Variants in POLI observed in about 807,000 individuals in gnomAD.
POLI encodes RAD30 homolog B.
In POLI, 58 loss-of-function variants were observed where a neutral mutation model predicts 51.6. The ratio of observed to expected loss-of-function variants is 1.12; its 90% CI spans 0.91 to 1.40. POLI has a LOEUF of 1.40. Ranked by LOEUF, POLI falls within the 40% of genes most tolerant of loss-of-function variation. The pLI is 0.00. For missense variants in POLI, 921 were observed against 871.3 expected (o/e 1.06, Z -0.72); for synonymous variants, 322 against 299.7 (o/e 1.07, Z -0.77).
chr18:54,316,298 A>G (rs2088733626), intron 3 of POLI, among the ~76,000 whole-genome samples: 1 of 152,194 alleles, frequency 6.6e-6, no homozygotes, highest in Non-Finnish European at 1.5e-5. Flanking sequence ...GTCATCATGA[A>G]TATGTACTTT....
chr18:54,283,992 T>C lies in POLI; in HGVS notation c.1046T>C (p.Leu349Pro). The C allele has an allele frequency of 6.9e-7, 1 of 1,451,642 alleles. No homozygotes were observed. The highest frequency in any genetic ancestry group is 9.6e-7 in the Non-Finnish European group (1 of 1,042,478). The allele number at this position is 1,451,642 out of a possible 1,614,324, so 89.9% of individuals were successfully genotyped here. ...EVEAKNKIEELLASLLNRVCQ... is the reference protein window; with the variant it reads ...EVEAKNKIEEPLASLLNRVCQ... ...GAAGCTAAAAATAAGATTGAAGAAC[T>C]ACTTGCTAGTCTTTTAAACAGGTGA... The change falls in exon 7 of 10, where the codon CTA becomes CCA. Residue 349 changes from leucine to proline, a missense_variant. Physicochemically the swap from Leu to Pro is moderately conservative, Grantham distance 98. Transcript: ENST00000579534.
chr18:54,310,705 T>G (rs928724633), intron 3 of POLI, among the ~76,000 whole-genome samples: 5 of 152,170 alleles, frequency 3.3e-5, no homozygotes, highest in African/African-American at 1.2e-4. Context: ...GAAAAAATCT[T>G]TTAAAAATAT....
downstream of POLI, among the ~76,000 whole-genome samples, chr18:54,301,735 TTC>T (rs149221466): frequency 0.011 from 1,727 of 152,280 alleles, 15 homozygotes; most frequent in Non-Finnish European, 0.016. Flanking sequence ...TCTCTCTGGC[TTC>T]TCTCCTCCAG....
chr18:54,308,698 CTCGTCACTT>C (rs1293352139), intron 3 of POLI, among the ~76,000 whole-genome samples: 1 of 152,178 alleles, frequency 6.6e-6, no homozygotes, highest in African/African-American at 2.4e-5. Context: ...TTTCATTCTC[CTCGTCACTT>C]TCAAGTACAC....
chr18:54,290,979 A>G lies in POLI; in HGVS notation c.1199-854A>G, dbSNP rs1336693279. Reference sequence around the variant, plus strand: ...AACCCCAGAACTTAAAGTATAAAAGAAAAAAAATTAGGCCATTTTCAAGTT... The same window carrying G: ...AACCCCAGAACTTAAAGTATAAAAGGAAAAAAATTAGGCCATTTTCAAGTT... On this transcript the variant is annotated intron_variant, in intron 8 of 9. Coordinates refer to ENST00000579534, the MANE Select transcript of POLI (RefSeq NM_007195.3). Among the ~76,000 whole-genome samples the G allele has an allele frequency of 2.0e-5, 3 of 152,236 alleles. No individual in the cohort carries two copies. The East Asian group carries it at 5.8e-4, about 29-fold the overall frequency.
intron 3 of POLI, among the ~76,000 whole-genome samples, chr18:54,315,272 G>C (rs1327824955): frequency 6.6e-6 from 1 of 152,116 alleles, no homozygotes; most frequent in Non-Finnish European, 1.5e-5. Flanking sequence ...ATATGGTTTT[G>C]AGAGATTTTT....
downstream of POLI, among the ~76,000 whole-genome samples, chr18:54,302,589 C>G (rs1041098386): frequency 1.3e-5 from 2 of 152,108 alleles, no homozygotes; most frequent in African/African-American, 4.8e-5. Context: ...GGGTATCCAT[C>G]CCCTCAAGCA....
At chr18:54,314,506 T>A (rs1168552251) in intron 3 of POLI, among the ~76,000 whole-genome samples, 1 of 152,036 alleles carries the variant, frequency 6.6e-6, no homozygotes, top group Non-Finnish European at 1.5e-5. Context: ...TAGTGGGGAG[T>A]CCCTCCTCCT....
chr18:54,279,244 T>TC (rs1160567605), intron 4 of POLI, among the ~76,000 whole-genome samples: 17 of 144,166 alleles, frequency 1.2e-4, no homozygotes, highest in Non-Finnish European at 1.5e-4. Context: ...GTCTTTTCTT[T>TC]TTTTTTTTTT....
intron 3 of POLI, among the ~76,000 whole-genome samples, chr18:54,306,542 G>T (rs1489316159): frequency 5.5e-5 from 8 of 145,650 alleles, no homozygotes; most frequent in Non-Finnish European, 1.1e-4. Context: ...TCTCTTTTTT[G>T]TGTGTGTCTC....
At chr18:54,276,570 A>G (rs778821040) in intron 3 of POLI, among the ~76,000 whole-genome samples, 2 of 152,222 alleles carry the variant, frequency 1.3e-5, no homozygotes, top group Admixed American at 6.5e-5. Context: ...GTTACTTTGC[A>G]TATCAGGTAT....
chr18:54,290,731 A>G (rs1305409182), intron 8 of POLI, among the ~76,000 whole-genome samples: 2 of 152,312 alleles, frequency 1.3e-5, no homozygotes, highest in South Asian at 2.1e-4. Flanking sequence ...TCACCAGGAT[A>G]GAAAACCACA....
At chr18:54,273,348 A>G (rs1034232005) in intron 2 of POLI, among the ~76,000 whole-genome samples, 1 of 150,166 alleles carries the variant, frequency 6.7e-6, no homozygotes, top group Non-Finnish European at 1.5e-5. Flanking sequence ...TTTTTCTAGC[A>G]GCAACCAGTA....
chr18:54,279,093 A>C (rs1012118633), intron 4 of POLI, among the ~76,000 whole-genome samples: 1 of 144,478 alleles, frequency 6.9e-6, no homozygotes, highest in Admixed American at 7.0e-5. Context: ...GTTAGAGTAC[A>C]TTATAGAGAG....
rs1277754744 is a variant in POLI, at chr18:54,296,981, CAG to C, written c.*2517_*2518del. Reference sequence around the variant, plus strand: ...GAGTATGTGTTAATCTGCGAGAAGACAGAGGGCCTAAATTGTGTATGTTTTCC... The same window carrying C: ...GAGTATGTGTTAATCTGCGAGAAGACAGGGCCTAAATTGTGTATGTTTTCC... On this transcript the variant is annotated 3_prime_UTR_variant, in exon 10 of 10. Coordinates refer to ENST00000579534, the MANE Select transcript of POLI (RefSeq NM_007195.3). 2 of 984,898 alleles carry C rather than the reference CAG, an allele frequency of 2.0e-6. No individual in the cohort carries two copies. Among genetic ancestry groups the C allele is most frequent in the African/African-American group, 3.5e-5 (2 of 57,210 alleles). 61.0% of individuals were successfully genotyped at this position (984,898 alleles called of 1,614,324 possible).
intron 2 of POLI, among the ~76,000 whole-genome samples, chr18:54,271,882 T>C (rs1408753347): frequency 6.6e-6 from 1 of 152,194 alleles, no homozygotes; most frequent in Non-Finnish European, 1.5e-5. Flanking sequence ...ATCTCTTAAA[T>C]TGTGTAACAT....
chr18:54,298,055 G>T lies in POLI; in HGVS notation c.*3588G>T. On this transcript the variant is annotated 3_prime_UTR_variant, in exon 10 of 10. Coordinates refer to ENST00000579534, the MANE Select transcript of POLI (RefSeq NM_007195.3). The stretch of plus-strand genomic sequence containing the variant: ...TAGCTATAGATTTATCATGGATTTA[G>T]GTTCATTATGAATCTGCAGATTTGT... The T allele has an allele frequency of 1.0e-6, 1 of 969,718 alleles. No individual in the cohort carries two copies. The highest frequency in any genetic ancestry group is 4.8e-5 in the South Asian group (1 of 20,994). 60.1% of individuals were successfully genotyped at this position (969,718 alleles called of 1,614,324 possible).
chr18:54,294,934 T>C lies in POLI; in HGVS notation c.*467T>C. 1 of 974,628 alleles carries C rather than the reference T, an allele frequency of 1.0e-6. No homozygotes were observed. The highest frequency in any genetic ancestry group is 1.2e-6 in the Non-Finnish European group (1 of 820,170). The allele number at this position is 974,628 out of a possible 1,614,324, so 60.4% of individuals were successfully genotyped here. A position where few individuals can be genotyped will look rare whatever the true frequency, so the allele number is the denominator to read the frequency against. ...ATATAGATAGTTTTGACTAAAGTAC[T>C]ACATTACATTTAGTATGTTGACTTT... is the stretch of plus-strand genomic sequence containing the variant. On this transcript the variant is annotated 3_prime_UTR_variant, in exon 10 of 10. Transcript: ENST00000579534.
chr18:54,310,258 AT>A (rs2144644726), intron 3 of POLI, among the ~76,000 whole-genome samples: 1 of 152,116 alleles, frequency 6.6e-6, no homozygotes, highest in Non-Finnish European at 1.5e-5. Context: ...TGGTTGGATT[AT>A]TTTTTTCTAG....
Sources: allele counts gnomAD v4.1 joint callset (sites outside exome capture counted in the v4.1 genomes callset), GRCh38; gene constraint gnomAD v4.1.1; transcripts MANE v1.5; gene names NCBI Gene and HGNC (gene_info 2026-07-23, HGNC 2026-07-21).